The following DLG1 variants were observed in gnomAD, a reference collection of about 807,000 sequenced individuals.
DLG1 encodes disks large homolog 1.
In DLG1, 42 loss-of-function variants were observed where a neutral mutation model predicts 123.4. The observed-to-expected ratio is 0.34, with a 90% CI of 0.27 to 0.44. The LOEUF (loss-of-function observed/expected upper bound fraction) is 0.44. Among genes scored for constraint, DLG1 ranks in the 20% least tolerant of loss-of-function variants. The probability of loss-of-function intolerance (pLI) is 1.00; values close to 1 mark genes in which losing one functional copy is unlikely to be tolerated. For synonymous variants in DLG1, 317 were observed against 356.2 expected (o/e 0.89, Z 1.24); for missense variants, 942 against 1,082.6 (o/e 0.87, Z 1.82).
At chr3:197,156,613 GGTATTTC>G (rs1484051411) in intron 5 of DLG1, among the ~76,000 whole-genome samples, 1 of 151,994 alleles carries the variant, frequency 6.6e-6, no homozygotes, top group Non-Finnish European at 1.5e-5. Context: ...GACAGAAAGG[GGTATTTC>G]ATGCAACAGT....
chr3:197,128,405 A>G (rs1159467339), intron 11 of DLG1, among the ~76,000 whole-genome samples: 1 of 152,178 alleles, frequency 6.6e-6, no homozygotes, highest in Non-Finnish European at 1.5e-5. Context: ...TCCACTTCTA[A>G]TTCTAGTTCT....
intron 4 of DLG1, among the ~76,000 whole-genome samples, chr3:197,238,529 C>G (rs1747206720): frequency 6.6e-6 from 1 of 151,992 alleles, no homozygotes; most frequent in African/African-American, 2.4e-5. Flanking sequence ...ATGTGAACAA[C>G]AGAGGAAAAA....
chr3:197,134,594 G>A (rs1052847397), intron 10 of DLG1, among the ~76,000 whole-genome samples: 1 of 151,580 alleles, frequency 6.6e-6, no homozygotes, highest in Admixed American at 6.6e-5. Context: ...TTCAGATTCT[G>A]CTAGGCCTTG....
intron 15 of DLG1, among the ~76,000 whole-genome samples, chr3:197,086,173 C>A (rs3773844): frequency 0.9 from 136,938 of 152,152 alleles, 61,727 homozygotes; most frequent in East Asian, 0.95. Flanking sequence ...GTGGACTGTA[C>A]GACTAGATCA....
At chr3:197,182,886 T>C (rs1421520762) in intron 5 of DLG1, among the ~76,000 whole-genome samples, 1 of 152,158 alleles carries the variant, frequency 6.6e-6, no homozygotes, top group African/African-American at 2.4e-5. Flanking sequence ...AAAGTGGTGT[T>C]ATGTGATTTT....
At chr3:197,087,344 T>C (rs1755007886) in intron 15 of DLG1, among the ~76,000 whole-genome samples, 1 of 151,832 alleles carries the variant, frequency 6.6e-6, no homozygotes, top group East Asian at 1.9e-4. Flanking sequence ...TTTTTTTTTT[T>C]GGCTTTTGAA....
intron 4 of DLG1, among the ~76,000 whole-genome samples, chr3:197,198,493 A>C (rs1413552654): frequency 6.6e-6 from 1 of 151,822 alleles, no homozygotes; most frequent in East Asian, 1.9e-4. Flanking sequence ...TCTCCAAAAA[A>C]AAAAAAAAAG....
chr3:197,140,333 A>C, intron 7 of DLG1, 69 bp from the exon 8 acceptor site: 1 of 1,513,904 alleles, frequency 6.6e-7, no homozygotes, highest in South Asian at 1.2e-5. Flanking sequence ...CTGTCATTAA[A>C]GGACGCAGAA....
chr3:197,263,191 G>T (rs1236734879), intron 4 of DLG1, among the ~76,000 whole-genome samples: 1 of 152,190 alleles, frequency 6.6e-6, no homozygotes, highest in African/African-American at 2.4e-5. Flanking sequence ...GTATTCTGAA[G>T]TTTCTCTTGT....
intron 4 of DLG1, among the ~76,000 whole-genome samples, chr3:197,271,421 C>T (rs1339864753): frequency 6.6e-6 from 1 of 152,174 alleles, no homozygotes; most frequent in Non-Finnish European, 1.5e-5. Context: ...TTTTCCCCTT[C>T]CTATACTATC....
intron 5 of DLG1, among the ~76,000 whole-genome samples, chr3:197,160,451 T>C (rs2149880591): frequency 6.6e-6 from 1 of 152,102 alleles, no homozygotes; most frequent in Non-Finnish European, 1.5e-5. Context: ...ACCCTTAAAC[T>C]GTTTGCTCAG....
At chr3:197,168,303 A>G (rs1802416201) in intron 5 of DLG1, among the ~76,000 whole-genome samples, 1 of 152,242 alleles carries the variant, frequency 6.6e-6, no homozygotes, top group Non-Finnish European at 1.5e-5. Flanking sequence ...ACCGCTGAGA[A>G]AGTCAACGAC....
chr3:197,248,316 T>C (rs1012770834), intron 4 of DLG1, among the ~76,000 whole-genome samples: 2 of 152,190 alleles, frequency 1.3e-5, no homozygotes, highest in African/African-American at 4.8e-5. Context: ...TATCTACTTG[T>C]AGGACTTTTC....
At position 197,099,384 on chromosome 3, in the gene DLG1, C is replaced by T. The variant is rs1197492238; in HGVS notation, c.1546+5519G>A. On this transcript the variant is annotated intron_variant, in intron 14 of 24. Transcript: ENST00000667157. ...TTTATTTTGACGGAAGAGTTTCATC[C>T]CTTTTTTCAGTTAAGTCATTTACAC... Among the ~76,000 whole-genome samples the T allele has an allele frequency of 2.6e-5, 4 of 152,146 alleles. No homozygotes were observed. The East Asian group carries it at 7.7e-4, about 29-fold the overall frequency.
At position 197,108,976 on chromosome 3, in the gene DLG1, G is replaced by A. The variant is rs146212705; in HGVS notation, c.1444-3971C>T. Among the ~76,000 whole-genome samples, 33 of 152,044 alleles carry A rather than the reference G, an allele frequency of 2.2e-4. No individual in the cohort carries two copies. The East Asian group carries it at 6.4e-3, about 29-fold the overall frequency. On this transcript the variant is annotated intron_variant, in intron 13 of 24. Coordinates refer to ENST00000667157, the MANE Select transcript of DLG1 (RefSeq NM_001366207.1). ...TTTTATATTAAATAGATATTTCCTA[G>A]TGTACCATTTTAATTCCCATGTCAT... is the stretch of plus-strand genomic sequence containing the variant.
Position 197,123,930 on chromosome 3 carries a change from C to T in DLG1, c.1166-4400G>A, listed in dbSNP as rs147599167. On this transcript the variant is annotated intron_variant, in intron 11 of 24. Coordinates refer to ENST00000667157, the MANE Select transcript of DLG1 (RefSeq NM_001366207.1). Reference sequence around the variant, plus strand: ...AAGCTAAATTCTTAAAATTGGTACCCTTACTGAATATATGTTTTAATTCAA... The same window carrying T: ...AAGCTAAATTCTTAAAATTGGTACCTTTACTGAATATATGTTTTAATTCAA... Among the ~76,000 whole-genome samples the T allele has an allele frequency of 6.0e-3, 920 of 152,300 alleles. 5 individuals are homozygous for T. Among genetic ancestry groups the T allele is most frequent in the South Asian group, 0.022 (105 of 4,830 alleles).
chr3:197,200,060 T>C (rs1350962014), intron 4 of DLG1, among the ~76,000 whole-genome samples: 3 of 152,154 alleles, frequency 2.0e-5, no homozygotes, highest in Admixed American at 6.5e-5. Context: ...ATGACTTACA[T>C]ATAGGAATGT....
intron 4 of DLG1, among the ~76,000 whole-genome samples, chr3:197,268,835 C>A (rs1183654636): frequency 2.0e-5 from 3 of 151,416 alleles, no homozygotes; most frequent in African/African-American, 7.3e-5. Flanking sequence ...AAGCTTTTTT[C>A]TATTTTTTAA....
At position 197,200,192 on chromosome 3, in the gene DLG1, T is replaced by C. The variant is rs1425977826; in HGVS notation, c.319-5603A>G. Among the ~76,000 whole-genome samples, 6 of 152,096 alleles carry C rather than the reference T, an allele frequency of 3.9e-5. No individual in the cohort carries two copies. In the East Asian group the frequency reaches 1.2e-3, roughly 29 times the overall value. On this transcript the variant is annotated intron_variant, in intron 4 of 24. Coordinates refer to ENST00000667157, the MANE Select transcript of DLG1 (RefSeq NM_001366207.1). ...ATTAGAAAATCCAAAATAACTAAAA[T>C]TAAGGCCAAAAACTAAGTATTTAAT...
Sources: allele counts gnomAD v4.1 joint callset (sites outside exome capture counted in the v4.1 genomes callset), GRCh38; gene constraint gnomAD v4.1.1; transcripts MANE v1.5; gene names NCBI Gene and HGNC (gene_info 2026-07-23, HGNC 2026-07-21).